The following USH2A variants were observed in gnomAD, a reference collection of about 807,000 sequenced individuals.
USH2A encodes the protein Usher syndrome 2A (autosomal recessive, mild).
In USH2A, 443 loss-of-function variants were observed where a neutral mutation model predicts 538.9. That is an observed-to-expected ratio of 0.82 (90% CI 0.76 to 0.89). The LOEUF (loss-of-function observed/expected upper bound fraction) is 0.89, where lower values mean the gene tolerates loss of function less well. USH2A is among the 40% of genes least tolerant of loss of function. The pLI, the probability that USH2A is intolerant of heterozygous loss-of-function variation, is 0.00. For synonymous variants in USH2A, 2,413 were observed against 2,273.5 expected (o/e 1.06, Z -1.75); for missense variants, 6,633 against 6,324.8 (o/e 1.05, Z -1.65).
At chr1:216,388,775 G>T (rs2039050204) in intron 3 of USH2A, among the ~76,000 whole-genome samples, 1 of 152,342 alleles carries the variant, frequency 6.6e-6, no homozygotes, top group South Asian at 2.1e-4. Context: ...CTTCTAAGCT[G>T]CTGACACTAC....
At chr1:215,678,194 C>T (rs930184302) in intron 62 of USH2A, among the ~76,000 whole-genome samples, 1 of 152,160 alleles carries the variant, frequency 6.6e-6, no homozygotes, top group Non-Finnish European at 1.5e-5. Context: ...CACAGGGTAG[C>T]CAGAGTGATT....
rs545141920 is a variant in USH2A, at chr1:216,394,305, C to G, written c.651+24209G>C. On this transcript the variant is annotated intron_variant, in intron 3 of 71. Transcript: ENST00000307340. The stretch of plus-strand genomic sequence containing the variant: ...CTTTAAACATACACCTACCATGTGG[C>G]ACAGCAATCCTTTTCCCAGATATTT... 4.7e-5 allele frequency among the ~76,000 whole-genome samples: 7 copies of G among 148,104 alleles called. No homozygotes were observed. In the East Asian group the frequency reaches 1.4e-3, roughly 30 times the overall value.
chr1:216,356,613 C>A (rs1471712721), intron 4 of USH2A, among the ~76,000 whole-genome samples: 5 of 151,968 alleles, frequency 3.3e-5, no homozygotes, highest in African/African-American at 4.8e-5. Context: ...AATAACACAT[C>A]ATGAACCCAT....
intron 61 of USH2A, among the ~76,000 whole-genome samples, chr1:215,727,243 A>G (rs896994256): frequency 1.3e-5 from 2 of 152,136 alleles, no homozygotes; most frequent in African/African-American, 4.8e-5. Flanking sequence ...ACATATATAC[A>G]CAAACATGTA....
At chr1:215,903,902 T>G (rs1217187529) in intron 38 of USH2A, among the ~76,000 whole-genome samples, 1 of 152,112 alleles carries the variant, frequency 6.6e-6, no homozygotes, top group Admixed American at 6.6e-5. Flanking sequence ...ACCTTCACAT[T>G]TTTGGTTTGA....
At chr1:216,112,919 C>T (rs1344689736) in intron 21 of USH2A, among the ~76,000 whole-genome samples, 6 of 151,876 alleles carry the variant, frequency 4.0e-5, no homozygotes, top group Admixed American at 6.6e-5. Context: ...TGAACACCCG[C>T]GAGCATGTGT....
Position 215,648,702 on chromosome 1 carries a change from A to G in USH2A, c.14408T>C (p.Ile4803Thr), listed in dbSNP as rs1056524280. The G allele has an allele frequency of 1.2e-6, 2 of 1,614,170 alleles. No homozygotes were observed. The highest frequency in any genetic ancestry group is 1.3e-5 in the African/African-American group (1 of 75,046). The part of the protein sequence containing the change: ...HGLQAFTNYS[I>T]GVEACTCFNC... Reference sequence around the variant, plus strand: ...GAAGCAGGTGCAGGCCTCTACTCCAATAGAGTAGTTAGTGAAGGCTTGAAG... The same window carrying G: ...GAAGCAGGTGCAGGCCTCTACTCCAGTAGAGTAGTTAGTGAAGGCTTGAAG... The change falls in exon 66 of 72, where the codon ATT becomes ACT. Residue 4803 changes from isoleucine (I) to threonine (T), a missense_variant. Ile to Thr is a moderately conservative substitution (Grantham distance 89, BLOSUM62 -1). Transcript: ENST00000307340.
At chr1:216,179,445 G>A (rs1349857021) in intron 20 of USH2A, among the ~76,000 whole-genome samples, 1 of 152,060 alleles carries the variant, frequency 6.6e-6, no homozygotes, top group East Asian at 1.9e-4. Context: ...CAATGGGACT[G>A]TCCTTTAGAA....
chr1:216,168,553 T>C (rs2034214861), intron 21 of USH2A, among the ~76,000 whole-genome samples: 2 of 152,222 alleles, frequency 1.3e-5, no homozygotes, highest in African/African-American at 2.4e-5. Flanking sequence ...GAAACAAAGA[T>C]GGTAACAGCC....
intron 21 of USH2A, among the ~76,000 whole-genome samples, chr1:216,157,005 C>T (rs889593936): frequency 2.0e-5 from 3 of 151,844 alleles, no homozygotes; most frequent in Non-Finnish European, 4.4e-5. Flanking sequence ...TCCTGAGTAG[C>T]TGGGATTACA....
chr1:215,865,281 G>T (rs1664438662), intron 44 of USH2A, among the ~76,000 whole-genome samples: 1 of 152,100 alleles, frequency 6.6e-6, no homozygotes, highest in Non-Finnish European at 1.5e-5. Context: ...AATTTCCAAG[G>T]TATGAATGGA....
intron 19 of USH2A, 130 bp from the exon 20 acceptor site, chr1:216,190,497 G>GTTT: frequency 1.7e-6 from 2 of 1,203,686 alleles, no homozygotes; most frequent in Non-Finnish European, 2.3e-6. Context: ...TTAGGAAAAG[G>GTTT]GTTTTTTTTT....
At chr1:215,648,864 T>C (rs916000142) in intron 65 of USH2A, 98 bp from the exon 66 acceptor site, 1 of 1,161,930 alleles carries the variant, frequency 8.6e-7, no homozygotes, top group Non-Finnish European at 1.3e-6. Flanking sequence ...TGGAGTACCA[T>C]GCCAGGCACT....
chr1:216,014,599 GC>G (rs1405449567), intron 32 of USH2A, among the ~76,000 whole-genome samples: 1 of 152,192 alleles, frequency 6.6e-6, no homozygotes, highest in Non-Finnish European at 1.5e-5. Context: ...GTTTGTAAGA[GC>G]CCCTGAGCAA....
In USH2A at chr1:215,671,236, T is replaced by C; in HGVS notation, c.13869A>G (p.Thr4623=). 6.2e-7 allele frequency: 1 copy of C among 1,614,172 alleles called. No individual in the cohort carries two copies. Among genetic ancestry groups the C allele is most frequent in the Non-Finnish European group, 8.5e-7 (1 of 1,180,014 alleles). The stretch of plus-strand genomic sequence containing the variant: ...GTGCAATCTCAGGGGTCTGTATGAA[T>C]GTCCAGTCACTTGATGCACATCCCA... ...TTLGCASSDW[T]FIQTPEIAPL... is the part of the protein sequence containing the mutation. Residue 4623 remains threonine (T), a synonymous_variant, in exon 64 of 72, where the codon ACA becomes ACG. Coordinates refer to ENST00000307340, the MANE Select transcript of USH2A (RefSeq NM_206933.4).
At chr1:216,215,134 T>C (rs1303009662) in intron 15 of USH2A, among the ~76,000 whole-genome samples, 1 of 152,036 alleles carries the variant, frequency 6.6e-6, no homozygotes, top group African/African-American at 2.4e-5. Context: ...CATCCTAGGA[T>C]TCCCACCCTG....
chr1:215,811,682 C>T (rs916849268), intron 49 of USH2A, among the ~76,000 whole-genome samples: 1 of 151,990 alleles, frequency 6.6e-6, no homozygotes, highest in African/African-American at 2.4e-5. Flanking sequence ...CCAAGGTGGG[C>T]AGACATTTGA....
chr1:215,684,404 T>C (rs1191965225), intron 61 of USH2A, among the ~76,000 whole-genome samples: 2 of 152,182 alleles, frequency 1.3e-5, no homozygotes, highest in Non-Finnish European at 1.5e-5. Flanking sequence ...CATTGATCTG[T>C]AGCTGTCAAT....
intron 35 of USH2A, among the ~76,000 whole-genome samples, chr1:215,972,430 C>T (rs1667517942): frequency 2.0e-5 from 3 of 152,190 alleles, no homozygotes; most frequent in Admixed American, 2.0e-4. Flanking sequence ...TAGCAGTAAG[C>T]ACCAGCTCCT....
Sources: gnomAD v4.1 joint callset for allele counts (sites outside exome capture counted in the v4.1 genomes callset) on GRCh38, gnomAD v4.1.1 for gene constraint, MANE v1.5 for transcripts, NCBI Gene and HGNC (gene_info 2026-07-23, HGNC 2026-07-21) for gene names.